The following TMEM217 variants were observed in gnomAD, a reference collection of about 807,000 sequenced individuals.
The protein encoded by TMEM217 is transmembrane protein 217, also known as chromosome 6 open reading frame 128.
For missense variants in TMEM217, 204 were observed against 248.8 expected, an observed-to-expected ratio of 0.82 and a Z score of 1.21; for synonymous variants, 76 against 88.3, an observed-to-expected ratio of 0.86 and a Z score of 0.78.
At chr6:37,247,103 T>C (rs879797996) in intron 1 of TMEM217, among the ~76,000 whole-genome samples, 9 of 152,178 alleles carry the variant, frequency 5.9e-5, no homozygotes, top group Non-Finnish European at 1.3e-4. Flanking sequence ...GAATGTCCCA[T>C]TGCCTAGAGG....
chr6:37,212,422 A>G (rs1281235888), exon 4 of TMEM217: 2 of 413,304 alleles, frequency 4.8e-6, no homozygotes, highest in Non-Finnish European at 9.7e-6. Context: ...GGTTCAGTTT[A>G]ACTTCCGGTA....
chr6:37,243,773 C>T (rs1431034081), intron 1 of TMEM217, among the ~76,000 whole-genome samples: 15 of 152,024 alleles, frequency 9.9e-5, no homozygotes, highest in African/African-American at 2.4e-5. Flanking sequence ...TAGGGTTTTT[C>T]GAGGATAGTT....
chr6:37,240,789 G>C (rs946462499), intron 1 of TMEM217, among the ~76,000 whole-genome samples: 3 of 152,028 alleles, frequency 2.0e-5, no homozygotes, highest in African/African-American at 7.3e-5. Context: ...ACATCAAATG[G>C]TTGTTACTAA....
chr6:37,223,293 A>T (rs1451531625), intron 1 of TMEM217, among the ~76,000 whole-genome samples: 1 of 151,944 alleles, frequency 6.6e-6, no homozygotes, highest in Non-Finnish European at 1.5e-5. Flanking sequence ...GATAAATGAA[A>T]GAAAATCTAC....
chr6:37,236,662 A>T (rs1583468134), intron 1 of TMEM217, among the ~76,000 whole-genome samples: 1 of 149,774 alleles, frequency 6.7e-6, no homozygotes, highest in East Asian at 1.9e-4. Context: ...TGCCAGTACT[A>T]TTTTTTTTTT....
chr6:37,256,563 C>T (rs1198191463), intron 1 of TMEM217, among the ~76,000 whole-genome samples: 1 of 152,060 alleles, frequency 6.6e-6, no homozygotes, highest in Non-Finnish European at 1.5e-5. Context: ...TAAAAATAGC[C>T]CTTGTCATCC....
chr6:37,219,844 G>A (rs549307460), intron 1 of TMEM217, among the ~76,000 whole-genome samples: 6 of 152,146 alleles, frequency 3.9e-5, no homozygotes, highest in Non-Finnish European at 7.3e-5. Flanking sequence ...GATGTTTCAG[G>A]ATATAACCAG....
downstream of TMEM217, chr6:37,215,122 A>T (rs1763111721): frequency 2.5e-6 from 4 of 1,577,408 alleles, no homozygotes; most frequent in Non-Finnish European, 3.5e-6. Context: ...CTCTTGGGTC[A>T]CTATAATAAT....
rs539738781 is a variant in TMEM217, at chr6:37,257,737, C to T, written c.-181G>A. ...CGGCCCGTCCACGGCTTGCGCAGCT[C>T]ACCAATGGCAGCGGTGCTGGGTGGA... On this transcript the variant is annotated 5_prime_UTR_variant, in exon 1 of 2. Transcript: ENST00000357219. 2.5e-4 allele frequency: 156 copies of T among 632,130 alleles called. 1 individual carries two copies. The Admixed American group carries it at 4.0e-3, about 16-fold the overall frequency. 39.2% of individuals were successfully genotyped at this position (632,130 alleles called of 1,614,324 possible).
chr6:37,217,021 G>C (rs1467367407), downstream of TMEM217, among the ~76,000 whole-genome samples: 1 of 152,092 alleles, frequency 6.6e-6, no homozygotes, highest in South Asian at 2.1e-4. Flanking sequence ...TAGCAGCAGT[G>C]GGTGACTCAC....
chr6:37,240,256 G>A (rs1046245668), intron 1 of TMEM217, among the ~76,000 whole-genome samples: 4 of 152,178 alleles, frequency 2.6e-5, no homozygotes, highest in Non-Finnish European at 5.9e-5. Flanking sequence ...GGTGGTTCTG[G>A]TTCAAGGTTT....
chr6:37,233,192 A>G (rs1203821332), intron 1 of TMEM217, among the ~76,000 whole-genome samples: 1 of 152,000 alleles, frequency 6.6e-6, no homozygotes, highest in African/African-American at 2.4e-5. Context: ...ATTTAAGTAA[A>G]TGATATTAAC....
chr6:37,237,702 G>GTCAAAA (rs1764568968), intron 1 of TMEM217, among the ~76,000 whole-genome samples: 1 of 152,008 alleles, frequency 6.6e-6, no homozygotes, highest in South Asian at 2.1e-4. Flanking sequence ...GGAGTCAAAA[G>GTCAAAA]GAACAACTGT....
intron 1 of TMEM217, among the ~76,000 whole-genome samples, chr6:37,256,091 A>G (rs1184166809): frequency 2.0e-5 from 3 of 152,230 alleles, no homozygotes; most frequent in African/African-American, 7.2e-5. Flanking sequence ...TAAAATGTCA[A>G]ATCAATAGGG....
chr6:37,216,925 A>G (rs1561999817), downstream of TMEM217, among the ~76,000 whole-genome samples: 2 of 152,200 alleles, frequency 1.3e-5, no homozygotes, highest in East Asian at 3.9e-4. Flanking sequence ...CAGACACCAA[A>G]CCTACTGGCA....
At chr6:37,222,826 G>A (rs926841932) in intron 1 of TMEM217, among the ~76,000 whole-genome samples, 2 of 152,220 alleles carry the variant, frequency 1.3e-5, no homozygotes, top group Non-Finnish European at 2.9e-5. Flanking sequence ...AAGGGGCCGG[G>A]CTTCCACCGG....
intron 1 of TMEM217, among the ~76,000 whole-genome samples, chr6:37,247,015 A>G (rs1765124724): frequency 6.6e-6 from 1 of 152,182 alleles, no homozygotes; most frequent in South Asian, 2.1e-4. Flanking sequence ...AGCAGAAGCC[A>G]TTTAATAGAT....
intron 1 of TMEM217, among the ~76,000 whole-genome samples, chr6:37,232,918 A>T (rs1003205933): frequency 6.6e-6 from 1 of 152,148 alleles, no homozygotes; most frequent in Non-Finnish European, 1.5e-5. Context: ...CCTAAAGGCT[A>T]GTCTCCCTCA....
chr6:37,213,075 A>G, downstream of TMEM217: 1 of 956,004 alleles, frequency 1.0e-6, no homozygotes, highest in South Asian at 1.7e-5. Context: ...CACTAGATAT[A>G]AATCAGAGAG....
Sources: allele counts gnomAD v4.1 joint callset (sites outside exome capture counted in the v4.1 genomes callset), GRCh38; gene constraint gnomAD v4.1.1; transcripts MANE v1.5; gene names NCBI Gene and HGNC (gene_info 2026-07-23, HGNC 2026-07-21).